The following TCF7L2 variants were observed in gnomAD, a reference collection of about 807,000 sequenced individuals.
The protein encoded by TCF7L2 is transcription factor 7-like 2.
In TCF7L2, 23 loss-of-function variants were observed where a neutral mutation model predicts 77.9. The ratio of observed to expected loss-of-function variants is 0.30; its 90% CI spans 0.21 to 0.42. The LOEUF (loss-of-function observed/expected upper bound fraction) is 0.42. Among genes scored for constraint, TCF7L2 ranks in the 10% least tolerant of loss-of-function variants. The probability of loss-of-function intolerance (pLI) is 1.00; values close to 1 mark genes in which losing one functional copy is unlikely to be tolerated. For missense variants in TCF7L2, 654 were observed against 793.1 expected (o/e 0.82, Z 2.11); for synonymous variants, 413 against 340.2 (o/e 1.21, Z -2.36).
rs142127316 is a variant in TCF7L2 at position 113,052,879 on chromosome 10, T to A, written c.552+12753T>A. On this transcript the variant is annotated intron_variant, in intron 5 of 13. Coordinates refer to ENST00000627217, the MANE Select transcript of TCF7L2 (RefSeq NM_001146274.2). ...ACATTGCATGATACAAAAATCAAGA[T>A]ATTTCTAAGAGGGTGATAACTTCAA... Among the ~76,000 whole-genome samples the A allele has an allele frequency of 2.8e-3, 424 of 152,336 alleles. 7 individuals are homozygous for A. Among genetic ancestry groups the A allele is most frequent in the Admixed American group, 8.9e-3 (136 of 15,306 alleles).
At chr10:112,961,258 C>G (rs1435672663) in intron 3 of TCF7L2, among the ~76,000 whole-genome samples, 2 of 125,478 alleles carry the variant, frequency 1.6e-5, no homozygotes, top group East Asian at 2.7e-4. Context: ...CAGGTGACCC[C>G]CCCCCCCCCA....
rs145307043 is a variant in TCF7L2 at position 112,968,328 on chromosome 10, A to G, written c.450+3704A>G. Among the ~76,000 whole-genome samples the G allele has an allele frequency of 7.2e-5, 11 of 152,286 alleles. No homozygotes were observed. The East Asian group carries it at 2.1e-3, about 29-fold the overall frequency. ...CCTTCTCTTCCTCCTCTTCCTCCTCAGCCAACTCATCCCAAAGACGGCAAG... is the reference window on the plus strand; with the variant it reads ...CCTTCTCTTCCTCCTCTTCCTCCTCGGCCAACTCATCCCAAAGACGGCAAG... On this transcript the variant is annotated intron_variant, in intron 4 of 13. Transcript: ENST00000627217.
chr10:113,003,771 C>T (rs768293286), intron 4 of TCF7L2, among the ~76,000 whole-genome samples: 4 of 152,202 alleles, frequency 2.6e-5, no homozygotes, highest in Non-Finnish European at 4.4e-5. Flanking sequence ...GAGTATCAAT[C>T]AACGTCAGGA....
chr10:113,107,503 G>A (rs1465317155), intron 5 of TCF7L2, among the ~76,000 whole-genome samples: 1 of 151,882 alleles, frequency 6.6e-6, no homozygotes, highest in African/African-American at 2.4e-5. Context: ...CAGCACTCTG[G>A]GAGGCCGAGG....
chr10:113,039,585 G>A (rs938291917), intron 4 of TCF7L2, among the ~76,000 whole-genome samples: 11 of 152,124 alleles, frequency 7.2e-5, no homozygotes, highest in African/African-American at 2.4e-4. Flanking sequence ...TTTGAAAAAC[G>A]GAGGTTGAAA....
At chr10:113,055,412 G>T (rs79108107) in intron 5 of TCF7L2, among the ~76,000 whole-genome samples, 2 of 152,222 alleles carry the variant, frequency 1.3e-5, no homozygotes, top group South Asian at 4.1e-4. Flanking sequence ...TCTGTGGCTT[G>T]CCTGGTTTAA....
At chr10:112,968,759 T>G (rs1010919380) in intron 4 of TCF7L2, among the ~76,000 whole-genome samples, 2 of 152,214 alleles carry the variant, frequency 1.3e-5, no homozygotes, top group African/African-American at 4.8e-5. Flanking sequence ...TTTTGTATTT[T>G]TAGTAGAGAT....
At chr10:113,024,878 C>G (rs2048876464) in intron 4 of TCF7L2, among the ~76,000 whole-genome samples, 1 of 152,060 alleles carries the variant, frequency 6.6e-6, no homozygotes, top group Non-Finnish European at 1.5e-5. Flanking sequence ...CTTTGGCCTC[C>G]CAAAGTGCTG....
chr10:113,130,467 G>A (rs899836816), intron 5 of TCF7L2, among the ~76,000 whole-genome samples: 1 of 152,302 alleles, frequency 6.6e-6, no homozygotes, highest in Middle Eastern at 3.4e-3. Context: ...ACAGTAGCAG[G>A]GCTGTGTAAA....
At chr10:113,150,918 T>TTTCTTTTTAATTG in intron 8 of TCF7L2, 80 bp from the exon 9 acceptor site, 3 of 1,559,176 alleles carry the variant, frequency 1.9e-6, no homozygotes, top group South Asian at 1.2e-5. Flanking sequence ...GTTTTTTTTT[T>TTTCTTTTTAATTG]TCTTTTTAAT....
intron 4 of TCF7L2, among the ~76,000 whole-genome samples, chr10:113,029,168 A>G (rs957762125): frequency 2.0e-5 from 3 of 152,172 alleles, no homozygotes; most frequent in Non-Finnish European, 4.4e-5. Context: ...GTACTAGAGA[A>G]TGGACTCTAA....
intron 12 of TCF7L2, among the ~76,000 whole-genome samples, chr10:113,159,329 T>A (rs1476757200): frequency 6.6e-6 from 1 of 152,044 alleles, no homozygotes; most frequent in African/African-American, 2.4e-5. Flanking sequence ...GAAAATAGAT[T>A]TAAAAAAAAG....
intron 5 of TCF7L2, among the ~76,000 whole-genome samples, chr10:113,107,438 T>C: frequency 6.6e-6 from 1 of 151,968 alleles, no homozygotes; most frequent in South Asian, 2.1e-4. Context: ...GATGTACACA[T>C]TTGTGGTCAA....
At position 113,063,139 on chromosome 10, in the gene TCF7L2, C is replaced by T. The variant is rs148394593; in HGVS notation, c.552+23013C>T. Among the ~76,000 whole-genome samples, 50 of 152,256 alleles carry T rather than the reference C, an allele frequency of 3.3e-4. 1 individual carries two copies. The South Asian group carries it at 4.4e-3, about 13-fold the overall frequency. On this transcript the variant is annotated intron_variant, in intron 5 of 13. Transcript: ENST00000627217. ...TTATACCGTGCCTGTAATCTCTCTG[C>T]GGGTGGCCCTCCTAAGCCCTACTTC...
At chr10:112,959,428 T>C (rs770990128) in intron 3 of TCF7L2, among the ~76,000 whole-genome samples, 5 of 152,132 alleles carry the variant, frequency 3.3e-5, no homozygotes, top group Non-Finnish European at 7.3e-5. Flanking sequence ...AAAAGAAAAA[T>C]TAATGAGGGT....
intron 5 of TCF7L2, among the ~76,000 whole-genome samples, chr10:113,085,697 CAG>C (rs2135539501): frequency 6.6e-6 from 1 of 152,294 alleles, no homozygotes; most frequent in Non-Finnish European, 1.5e-5. Flanking sequence ...ACATTGACAT[CAG>C]GGGCTGAGCC....
chr10:113,125,433 A>G (rs1004149727), intron 5 of TCF7L2: 3 of 151,934 alleles, frequency 2.0e-5, no homozygotes, highest in African/African-American at 7.3e-5. Flanking sequence ...AAGCGTATTA[A>G]TCTGGTTCCC....
chr10:113,164,726 A>T (rs1296303440), intron 13 of TCF7L2, among the ~76,000 whole-genome samples: 2 of 148,476 alleles, frequency 1.3e-5, no homozygotes, highest in Non-Finnish European at 1.5e-5. Context: ...ACCTTTGTTT[A>T]TCCTCTTCTA....
At chr10:113,082,684 C>T (rs193117545) in intron 5 of TCF7L2, among the ~76,000 whole-genome samples, 1 of 151,266 alleles carries the variant, frequency 6.6e-6, no homozygotes, top group Admixed American at 6.6e-5. Context: ...ATAAATTTAC[C>T]CTCTTATTAT....
Sources: allele counts gnomAD v4.1 joint callset (sites outside exome capture counted in the v4.1 genomes callset), GRCh38; gene constraint gnomAD v4.1.1; transcripts MANE v1.5; gene names NCBI Gene and HGNC (gene_info 2026-07-23, HGNC 2026-07-21).